Variants in DNAH3 observed in about 807,000 individuals in gnomAD.
DNAH3 encodes the protein axonemal beta dynein heavy chain 3.
A neutral mutation model predicts 432.5 loss-of-function variants in DNAH3; 332 were observed. That is an observed-to-expected ratio of 0.77 (90% CI 0.70 to 0.84). DNAH3 has a LOEUF of 0.84. Among genes scored for constraint, DNAH3 ranks in the 40% least tolerant of loss-of-function variants. The probability of loss-of-function intolerance (pLI) is 0.00; values close to 1 mark genes in which losing one functional copy is unlikely to be tolerated. For synonymous variants in DNAH3, 1,956 were observed against 1,900.2 expected (o/e 1.03, Z -0.76); for missense variants, 4,861 against 5,114.0 (o/e 0.95, Z 1.51).
chr16:20,987,597 T>C (rs2086261052), intron 46 of DNAH3, 96 bp downstream of exon 46: 6 of 1,543,376 alleles, frequency 3.9e-6, no homozygotes, highest in Non-Finnish European at 5.3e-6. Context: ...ATAGACTAAG[T>C]GCCTAATAAA....
intron 59 of DNAH3, among the ~76,000 whole-genome samples, chr16:20,937,184 T>TAA (rs2083622537): frequency 3.9e-5 from 6 of 152,138 alleles, no homozygotes; most frequent in Admixed American, 3.9e-4. Flanking sequence ...GAGATGGGGT[T>TAA]TCACTCTGTC....
intron 57 of DNAH3, among the ~76,000 whole-genome samples, chr16:20,945,119 A>G (rs2083986050): frequency 6.6e-6 from 1 of 152,350 alleles, no homozygotes; most frequent in African/African-American, 2.4e-5. Flanking sequence ...TACAGGTCAC[A>G]AAGACCTTGC....
chr16:21,144,892 T>C (rs1395717380), intron 3 of DNAH3, among the ~76,000 whole-genome samples: 1 of 151,724 alleles, frequency 6.6e-6, no homozygotes, highest in African/African-American at 2.4e-5. Flanking sequence ...TTGAGGCAGG[T>C]GGATCACCTG....
At chr16:21,016,528 T>C (rs1300297377) in intron 41 of DNAH3, among the ~76,000 whole-genome samples, 1 of 152,142 alleles carries the variant, frequency 6.6e-6, no homozygotes, top group Non-Finnish European at 1.5e-5. Flanking sequence ...GGTGAGGATG[T>C]GGAGGAATCA....
chr16:21,075,470 T>G (rs1658933547), exon 21 of DNAH3: 1 of 1,613,954 alleles, frequency 6.2e-7, no homozygotes, highest in African/African-American at 1.3e-5. Context: ...TTCACGAAGC[T>G]GAACGTCACG....
intron 13 of DNAH3, 37 bp downstream of exon 13, chr16:21,111,956 G>T (rs1321866251): frequency 1.3e-6 from 2 of 1,572,052 alleles, no homozygotes; most frequent in Non-Finnish European, 8.7e-7. Context: ...TGCAGCACAT[G>T]TCACCAAGGT....
intron 41 of DNAH3, 129 bp from the exon 42 acceptor site, chr16:21,003,336 G>A: frequency 1.6e-6 from 1 of 617,132 alleles, no homozygotes; most frequent in Non-Finnish European, 2.8e-6. Flanking sequence ...GCATAGTTGT[G>A]GTGAAACTTA....
intron 6 of DNAH3, 131 bp downstream of exon 7, chr16:21,136,193 T>G (rs1054875427): frequency 8.4e-6 from 7 of 831,842 alleles, no homozygotes; most frequent in South Asian, 5.4e-5. Flanking sequence ...GAGGGAGGAT[T>G]GCTTGAGCCC....
At chr16:21,159,342 C>G (rs566952870) in exon 1 of DNAH3, 1 of 1,614,116 alleles carries the variant, frequency 6.2e-7, no homozygotes, top group East Asian at 2.2e-5. Context: ...TCACTCCCTT[C>G]CTCCTCTCCT....
chr16:20,978,497 C>A (rs1265627004), intron 50 of DNAH3, among the ~76,000 whole-genome samples: 1 of 152,126 alleles, frequency 6.6e-6, no homozygotes, highest in Non-Finnish European at 1.5e-5. Flanking sequence ...CCACTGAGTT[C>A]CAGCCTCAGT....
At position 21,003,215 on chromosome 16, in the gene DNAH3, C is replaced by T. The variant is rs1174081611; in HGVS notation, c.6023-8G>A. ...AAAAATCATAGATGCTTCCTGGACC[C>T]AAAGAAACAAAACAGATCATTAGCA... is the stretch of plus-strand genomic sequence containing the variant. On this transcript the variant is annotated splice_region_variant and splice_polypyrimidine_tract_variant and intron_variant, in intron 41 of 61. Transcript: ENST00000261383. 1 of 1,582,186 alleles carries T rather than the reference C, an allele frequency of 6.3e-7. No homozygotes were observed.
At position 20,964,246 on chromosome 16, in the gene DNAH3, T is replaced by A. The variant is rs2084950115; in HGVS notation, c.9638A>T (p.Glu3213Val). 3.7e-6 allele frequency: 6 copies of A among 1,614,202 alleles called. No homozygotes were observed. The Admixed American group carries it at 8.3e-5, about 22-fold the overall frequency. ...CTTTTTCTCTTCCAGCTCTGGCTTC[T>A]CCTTCGCAGCCACGATGCCAAGGAG... Residue 3213 changes from glutamate to valine, a missense_variant, in exon 53 of 62, where the codon GAG (glutamate) becomes GTG (valine). Glu to Val is a moderately radical substitution (Grantham distance 121, BLOSUM62 -2). Transcript: ENST00000261383.
chr16:21,128,035 A>G (rs1370956156), intron 7 of DNAH3, among the ~76,000 whole-genome samples: 2 of 152,046 alleles, frequency 1.3e-5, no homozygotes, highest in Non-Finnish European at 2.9e-5. Flanking sequence ...GAGGTGACCC[A>G]AGAGTGCTCC....
chr16:20,964,607 T>G (rs745660229), exon 53 of DNAH3: 1 of 1,614,222 alleles, frequency 6.2e-7, no homozygotes, highest in Non-Finnish European at 8.5e-7. Flanking sequence ...TCCATGTTCT[T>G]AATCCATTTA....
chr16:21,129,316 C>T (rs2092508638), intron 7 of DNAH3: 1 of 152,816 alleles, frequency 6.5e-6, no homozygotes, highest in African/African-American at 2.4e-5. Context: ...GACTCTTCAC[C>T]TTCCAGCCTT....
chr16:20,939,876 T>C (rs1170358965), intron 59 of DNAH3, among the ~76,000 whole-genome samples: 1 of 152,222 alleles, frequency 6.6e-6, no homozygotes, highest in Non-Finnish European at 1.5e-5. Context: ...TGGACCTCAG[T>C]TTCCTCATCT....
chr16:21,159,181 G>A, intron 1 of DNAH3: 2 of 845,496 alleles, frequency 2.4e-6, no homozygotes, highest in East Asian at 2.4e-5. Flanking sequence ...CTCCACCGAG[G>A]TCCCCTTCCC....
At chr16:20,964,384 T>A (rs1251741672) in exon 53 of DNAH3, 1 of 1,614,016 alleles carries the variant, frequency 6.2e-7, no homozygotes, top group East Asian at 2.2e-5. Flanking sequence ...TAACTTAAAA[T>A]CCCTGGAATA....
At chr16:20,941,888 T>C (rs1298930753) in intron 58 of DNAH3, among the ~76,000 whole-genome samples, 1 of 151,844 alleles carries the variant, frequency 6.6e-6, no homozygotes, top group African/African-American at 2.4e-5. Flanking sequence ...CGAAACCCAG[T>C]TTCTACAAAA....
Sources: allele counts gnomAD v4.1 joint callset (sites outside exome capture counted in the v4.1 genomes callset), GRCh38; gene constraint gnomAD v4.1.1; transcripts MANE v1.5; gene names NCBI Gene and HGNC (gene_info 2026-07-23, HGNC 2026-07-21).